TTC12: variants seen among roughly 807,000 people sequenced by gnomAD.
The protein encoded by TTC12 is tetratricopeptide repeat protein 12.
In TTC12, 70 loss-of-function variants were observed where a neutral mutation model predicts 90.1. The ratio of observed to expected loss-of-function variants is 0.78; its 90% CI spans 0.64 to 0.95. The LOEUF is 0.95. TTC12 is among the 40% of genes least tolerant of loss of function. The probability of loss-of-function intolerance (pLI) is 0.00; values close to 1 mark genes in which losing one functional copy is unlikely to be tolerated. For missense variants in TTC12, 819 were observed against 846.1 expected (o/e 0.97, Z 0.40); for synonymous variants, 296 against 311.5 (o/e 0.95, Z 0.53).
chr11:113,339,411 C>A lies in TTC12; in HGVS notation c.763C>A (p.Pro255Thr), dbSNP rs782759058. 1.2e-6 allele frequency: 2 copies of A among 1,613,868 alleles called. No homozygotes were observed. Among genetic ancestry groups the A allele is most frequent in the African/African-American group, 1.3e-5 (1 of 74,932 alleles). The change falls in exon 10 of 22, where the codon CCT becomes ACT. Residue 255 changes from proline to threonine, a missense_variant. Pro to Thr is a conservative substitution (Grantham distance 38). Coordinates refer to ENST00000529221, the MANE Select transcript of TTC12 (RefSeq NM_017868.4). ...TKNLLETLSK[P>T]DQIPLFYAGG... ...GAACCTCCTGGAGACCCTTTCCAAG[C>A]CTGACCAGATCCCCTTGTTCTATGC...
chr11:113,347,840 T>A (rs530518860), intron 13 of TTC12, among the ~76,000 whole-genome samples: 2 of 152,166 alleles, frequency 1.3e-5, no homozygotes, highest in Non-Finnish European at 2.9e-5. Flanking sequence ...TCATCTGTCT[T>A]TCTTAAAGAT....
intron 2 of TTC12, among the ~76,000 whole-genome samples, chr11:113,320,763 T>A (rs1332194635): frequency 6.6e-6 from 1 of 152,242 alleles, no homozygotes; most frequent in Non-Finnish European, 1.5e-5. Flanking sequence ...ACTGGGCTCC[T>A]GCACTTGTCC....
In TTC12 at chr11:113,363,822, A is replaced by T; in HGVS notation, c.1717-6A>T. 1 of 1,597,296 alleles carries T rather than the reference A, an allele frequency of 6.3e-7. No individual in the cohort carries two copies. The highest frequency in any genetic ancestry group is 1.7e-4 in the Middle Eastern group (1 of 6,004). ...TTTATTTTTCTAATTTCATTCTGAAATCTAGACAGGAGGTGAGACTGCATC... is the reference window on the plus strand; with the variant it reads ...TTTATTTTTCTAATTTCATTCTGAATTCTAGACAGGAGGTGAGACTGCATC... On this transcript the variant is annotated splice_region_variant and splice_polypyrimidine_tract_variant and intron_variant, in intron 19 of 21. Coordinates refer to ENST00000529221, the MANE Select transcript of TTC12 (RefSeq NM_017868.4).
chr11:113,356,177 T>G (rs1949622532), intron 16 of TTC12, among the ~76,000 whole-genome samples: 1 of 152,252 alleles, frequency 6.6e-6, no homozygotes, highest in South Asian at 2.1e-4. Context: ...AACTGAACCC[T>G]TTACCAATAT....
At chr11:113,371,811 G>T (rs2186799) in intron 21 of TTC12, among the ~76,000 whole-genome samples, 57,388 of 152,006 alleles carry the variant, frequency 0.38, 13,196 homozygotes, top group Non-Finnish European at 0.53. Flanking sequence ...CCCCTCGATT[G>T]CCTTGTCTGT....
At chr11:113,353,973 A>C (rs1414940192) in intron 16 of TTC12, among the ~76,000 whole-genome samples, 1 of 152,130 alleles carries the variant, frequency 6.6e-6, no homozygotes, top group Non-Finnish European at 1.5e-5. Context: ...ACGAATTTTA[A>C]AATAGTTTTT....
At chr11:113,357,479 G>C (rs1949691803) in intron 16 of TTC12, among the ~76,000 whole-genome samples, 1 of 152,170 alleles carries the variant, frequency 6.6e-6, no homozygotes, top group East Asian at 1.9e-4. Flanking sequence ...GGGGTGTTAT[G>C]GTTGTTTGGA....
At chr11:113,351,933 C>T in intron 15 of TTC12, 137 bp from the exon 16 acceptor site, 1 of 1,023,580 alleles carries the variant, frequency 9.8e-7, no homozygotes, top group East Asian at 2.7e-5. Context: ...CCAGTGAGAC[C>T]CCAGGGATGC....
In TTC12 at chr11:113,321,586, C is replaced by A. The variant is rs1947339223; in HGVS notation, c.59-1702C>A. ...TAAAAAATTGTTTAAATATTACATA[C>A]ACAAATATTCTGGTAGATTGCAAGA... On this transcript the variant is annotated intron_variant, in intron 2 of 21. Transcript: ENST00000529221. Among the ~76,000 whole-genome samples, 3 of 152,256 alleles carry A rather than the reference C, an allele frequency of 2.0e-5. No individual in the cohort carries two copies. The South Asian group carries it at 6.2e-4, about 32-fold the overall frequency.
At chr11:113,360,344 A>C (rs1243108333) in intron 18 of TTC12, among the ~76,000 whole-genome samples, 8 of 152,182 alleles carry the variant, frequency 5.3e-5, no homozygotes, top group Non-Finnish European at 1.2e-4. Context: ...GTCCTATTTC[A>C]AAATATCCTG....
At chr11:113,316,002 C>T (rs782240501) in intron 1 of TTC12, 5 of 327,702 alleles carry the variant, frequency 1.5e-5, no homozygotes, top group East Asian at 4.7e-5. Context: ...ATTTGCAGAG[C>T]GTTTTCTGCA....
intron 2 of TTC12, among the ~76,000 whole-genome samples, chr11:113,316,672 C>A (rs1437056772): frequency 2.0e-5 from 3 of 152,218 alleles, no homozygotes; most frequent in Non-Finnish European, 2.9e-5. Context: ...GTGTGAGATT[C>A]CTCCCGTTTT....
intron 7 of TTC12, among the ~76,000 whole-genome samples, chr11:113,333,417 G>A (rs546036431): frequency 4.6e-5 from 7 of 152,110 alleles, no homozygotes; most frequent in African/African-American, 1.4e-4. Context: ...TTCTTCCATT[G>A]ATTTTTTTCA....
intron 4 of TTC12, 153 bp downstream of exon 4, chr11:113,324,168 C>G: frequency 1.6e-6 from 1 of 611,590 alleles, no homozygotes; most frequent in Non-Finnish European, 2.9e-6. Flanking sequence ...TACTAGTGAT[C>G]AGCGGGAATG....
At chr11:113,343,948 G>A (rs114030548) in intron 12 of TTC12, among the ~76,000 whole-genome samples, 8 of 152,242 alleles carry the variant, frequency 5.3e-5, no homozygotes, top group African/African-American at 1.9e-4. Flanking sequence ...TGACAATAAT[G>A]ACACAGTTGA....
At chr11:113,358,713 C>T (rs961596287) in intron 16 of TTC12, among the ~76,000 whole-genome samples, 2 of 152,188 alleles carry the variant, frequency 1.3e-5, no homozygotes, top group Admixed American at 6.5e-5. Context: ...CTTGCCACCC[C>T]TACCACTTCT....
chr11:113,369,804 C>A (rs1950334681), downstream of TTC12, among the ~76,000 whole-genome samples: 1 of 152,140 alleles, frequency 6.6e-6, no homozygotes, highest in South Asian at 2.1e-4. Flanking sequence ...AGGTGACTGA[C>A]AGATAGAAAG....
intron 8 of TTC12, among the ~76,000 whole-genome samples, chr11:113,337,532 C>A (rs1031133620): frequency 6.6e-6 from 1 of 151,988 alleles, no homozygotes; most frequent in Non-Finnish European, 1.5e-5. Flanking sequence ...ATGCAGCCAG[C>A]AAGAGGAGAG....
At chr11:113,370,841 A>G (rs919395173), downstream of TTC12, among the ~76,000 whole-genome samples, 8 of 152,226 alleles carry the variant, frequency 5.3e-5, no homozygotes. Flanking sequence ...GATTCAGCTC[A>G]GCCTGAGCAT....
Sources: allele counts gnomAD v4.1 joint callset (sites outside exome capture counted in the v4.1 genomes callset), GRCh38; gene constraint gnomAD v4.1.1; transcripts MANE v1.5; gene names NCBI Gene and HGNC (gene_info 2026-07-23, HGNC 2026-07-21).